CNTNAP2: variants seen among roughly 807,000 people sequenced by gnomAD.
CNTNAP2 encodes contactin-associated protein-like 2.
In CNTNAP2, 98 loss-of-function variants were observed where a neutral mutation model predicts 155.2. The ratio of observed to expected loss-of-function variants is 0.63; its 90% CI spans 0.54 to 0.75. The LOEUF is 0.75. Ranked by LOEUF, CNTNAP2 falls within the 30% of genes least tolerant of loss-of-function variation. The pLI, the probability that CNTNAP2 is intolerant of heterozygous loss-of-function variation, is 0.00. For synonymous variants in CNTNAP2, 651 were observed against 631.2 expected (o/e 1.03, Z -0.47); for missense variants, 1,727 against 1,688.1 (o/e 1.02, Z -0.40).
At chr7:147,892,553 C>T (rs1799713006) in intron 13 of CNTNAP2, among the ~76,000 whole-genome samples, 1 of 152,120 alleles carries the variant, frequency 6.6e-6, no homozygotes. Flanking sequence ...TTCTTTAATA[C>T]TGCTCAGAAT....
In CNTNAP2 at chr7:147,395,673, G is replaced by A. The variant is rs745325226; in HGVS notation, c.1563G>A (p.Met521Ile). The change falls in exon 10 of 24, where the codon ATG becomes ATA. Residue 521 changes from methionine (M) to isoleucine (I), a missense_variant. Physicochemically the swap from Met to Ile is conservative, Grantham distance 10 (BLOSUM62 1). Coordinates refer to ENST00000361727, the MANE Select transcript of CNTNAP2 (RefSeq NM_014141.6). ...TTCAGCCTTCATTCCAAGGATGCAT[G>A]CAGCTCATTCAAGTGGACGATCAAC... Reference protein sequence around the residue: ...SVLQPSFQGCMQLIQVDDQLV... With the variant: ...SVLQPSFQGCIQLIQVDDQLV... The A allele has an allele frequency of 1.2e-6, 2 of 1,612,586 alleles. No individual in the cohort carries two copies. Among genetic ancestry groups the A allele is most frequent in the South Asian group, 2.2e-5 (2 of 91,060 alleles).
In CNTNAP2 at chr7:148,217,431, C is replaced by CGCTTCA; in HGVS notation, c.3163_3168dup (p.Phe1055_Ser1056dup). The CGCTTCA allele has an allele frequency of 6.2e-7, 1 of 1,614,154 alleles. No individual in the cohort carries two copies. Among genetic ancestry groups the CGCTTCA allele is most frequent in the South Asian group, 1.1e-5 (1 of 91,074 alleles). ...CCCGGACCTGGCACAGGAGGAGATC[C>CGCTTCA]GCTTCAGCTTCAGCACCACCAAGGC... On this transcript the variant is annotated inframe_insertion, in exon 19 of 24. Coordinates refer to ENST00000361727, the MANE Select transcript of CNTNAP2 (RefSeq NM_014141.6).
At chr7:146,313,931 G>A (rs1220439460) in intron 1 of CNTNAP2, among the ~76,000 whole-genome samples, 2 of 152,042 alleles carry the variant, frequency 1.3e-5, no homozygotes, top group Non-Finnish European at 2.9e-5. Flanking sequence ...CCCGTGAAGC[G>A]GAGGTTGCAG....
At chr7:146,251,278 T>G (rs547402475) in intron 1 of CNTNAP2, among the ~76,000 whole-genome samples, 1 of 152,296 alleles carries the variant, frequency 6.6e-6, no homozygotes, top group African/African-American at 2.4e-5. Flanking sequence ...TGGGTATAAA[T>G]AAATTTTGTT....
chr7:148,039,733 CA>C (rs2116476155), intron 15 of CNTNAP2, among the ~76,000 whole-genome samples: 1 of 152,296 alleles, frequency 6.6e-6, no homozygotes, highest in Admixed American at 6.5e-5. Flanking sequence ...GAGGTTTCAG[CA>C]GCTTTTTCAT....
At chr7:147,197,218 C>A (rs1305263057) in intron 8 of CNTNAP2, among the ~76,000 whole-genome samples, 2 of 152,024 alleles carry the variant, frequency 1.3e-5, no homozygotes, top group Non-Finnish European at 2.9e-5. Context: ...GTTGCACAGG[C>A]CACTACTTCA....
At chr7:146,975,276 C>T (rs1175105869) in intron 3 of CNTNAP2, among the ~76,000 whole-genome samples, 13 of 151,932 alleles carry the variant, frequency 8.6e-5, no homozygotes, top group Admixed American at 6.6e-4. Context: ...ACCACCCTGG[C>T]CAACATGGCA....
intron 1 of CNTNAP2, among the ~76,000 whole-genome samples, chr7:146,400,576 A>G (rs1024174438): frequency 3.9e-5 from 6 of 152,226 alleles, no homozygotes; most frequent in Admixed American, 3.9e-4. Context: ...CTATTTTTGC[A>G]GAACTGCTGA....
At chr7:147,508,827 G>A (rs1798962817) in intron 11 of CNTNAP2, among the ~76,000 whole-genome samples, 1 of 152,118 alleles carries the variant, frequency 6.6e-6, no homozygotes. Flanking sequence ...TTCGCCTTCT[G>A]CCATGATTGT....
At chr7:146,732,761 G>A (rs1801547828) in intron 1 of CNTNAP2, among the ~76,000 whole-genome samples, 1 of 152,002 alleles carries the variant, frequency 6.6e-6, no homozygotes, top group Non-Finnish European at 1.5e-5. Context: ...AAATGGCATA[G>A]TATTTTCTAT....
At chr7:146,804,674 T>C (rs1173472157) in intron 2 of CNTNAP2, among the ~76,000 whole-genome samples, 1 of 152,086 alleles carries the variant, frequency 6.6e-6, no homozygotes, top group Non-Finnish European at 1.5e-5. Flanking sequence ...CTTGGAAAAA[T>C]AAATCTTATT....
At chr7:147,118,729 G>A (rs529084665) in intron 5 of CNTNAP2, among the ~76,000 whole-genome samples, 24 of 152,178 alleles carry the variant, frequency 1.6e-4, no homozygotes, top group African/African-American at 5.5e-4. Context: ...TAAAAAACTG[G>A]TAAGTATTTG....
intron 1 of CNTNAP2, among the ~76,000 whole-genome samples, chr7:146,301,202 A>G (rs116619372): frequency 0.03 from 4,583 of 152,254 alleles, 111 homozygotes; most frequent in African/African-American, 0.064. Context: ...TCCAAAACCA[A>G]TTGGAGCCTA....
chr7:148,219,492 A>C (rs985110675), intron 19 of CNTNAP2, among the ~76,000 whole-genome samples: 5 of 152,146 alleles, frequency 3.3e-5, no homozygotes, highest in African/African-American at 1.2e-4. Flanking sequence ...CCAGTAGTTC[A>C]AGATTAGCCT....
chr7:147,809,197 A>G (rs553147976), intron 13 of CNTNAP2, among the ~76,000 whole-genome samples: 35 of 152,308 alleles, frequency 2.3e-4, no homozygotes, highest in Non-Finnish European at 5.9e-5. Flanking sequence ...CTGATCTGAC[A>G]TGGCATATTT....
chr7:146,945,590 G>T (rs1797150003), intron 3 of CNTNAP2, among the ~76,000 whole-genome samples: 1 of 152,074 alleles, frequency 6.6e-6, no homozygotes. Flanking sequence ...CCCCAGGCTT[G>T]GTCGGCGAAT....
intron 3 of CNTNAP2, among the ~76,000 whole-genome samples, chr7:146,915,360 T>A (rs1346745097): frequency 6.6e-6 from 1 of 152,184 alleles, no homozygotes; most frequent in Non-Finnish European, 1.5e-5. Flanking sequence ...ATAATGGTGG[T>A]ATTTTGATGG....
chr7:147,510,614 C>T (rs1798997836), intron 11 of CNTNAP2, among the ~76,000 whole-genome samples: 1 of 150,794 alleles, frequency 6.6e-6, no homozygotes, highest in African/African-American at 2.4e-5. Context: ...CAACCAATGC[C>T]ATACAAAATA....
chr7:147,120,803 C>A (rs1801094784), intron 5 of CNTNAP2, among the ~76,000 whole-genome samples, 176 bp from the exon 6 acceptor site: 1 of 151,958 alleles, frequency 6.6e-6, no homozygotes, highest in African/African-American at 2.4e-5. Context: ...CCACAACAGT[C>A]CCCAGAACAT....
Sources: gnomAD v4.1 joint callset for allele counts (sites outside exome capture counted in the v4.1 genomes callset) on GRCh38, gnomAD v4.1.1 for gene constraint, MANE v1.5 for transcripts, NCBI Gene and HGNC (gene_info 2026-07-23, HGNC 2026-07-21) for gene names.